JADE1: variants seen among roughly 807,000 people sequenced by gnomAD.
JADE1 encodes the protein jade family PHD finger 1.
JADE1 carries 14 observed loss-of-function variants against 81.8 expected under a neutral mutation model. The observed-to-expected ratio is 0.17, with a 90% CI of 0.11 to 0.27. The LOEUF (loss-of-function observed/expected upper bound fraction) is 0.27. Among genes scored for constraint, JADE1 ranks in the 10% least tolerant of loss-of-function variants. The pLI, the probability that JADE1 is intolerant of heterozygous loss-of-function variation, is 1.00. For synonymous variants in JADE1, 353 were observed against 391.9 expected, an observed-to-expected ratio of 0.90 and a Z score of 1.17; for missense variants, 690 against 1,047.9, an observed-to-expected ratio of 0.66 and a Z score of 4.71.
intron 6 of JADE1, among the ~76,000 whole-genome samples, chr4:128,854,461 T>G (rs1182460423): frequency 6.6e-6 from 1 of 152,252 alleles, no homozygotes; most frequent in Non-Finnish European, 1.5e-5. Flanking sequence ...ACCTTTATAG[T>G]GTCACTTAAC....
At chr4:128,843,556 A>G (rs1026786886) in intron 3 of JADE1, among the ~76,000 whole-genome samples, 4 of 152,190 alleles carry the variant, frequency 2.6e-5, no homozygotes, top group African/African-American at 9.6e-5. Flanking sequence ...TCTGCTCCCT[A>G]ACTTTTGTTA....
chr4:128,811,954 C>A (rs1726450014), intron 1 of JADE1: 1 of 151,760 alleles, frequency 6.6e-6, no homozygotes, highest in Admixed American at 6.5e-5. Context: ...TTCTCGCCGG[C>A]GCGCCCGCCC....
At chr4:128,855,881 T>C (rs1384837803) in intron 7 of JADE1, 84 bp downstream of exon 7, 2 of 1,241,470 alleles carry the variant, frequency 1.6e-6, no homozygotes, top group Non-Finnish European at 2.2e-6. Flanking sequence ...TGCAGTGAGC[T>C]GGATCATGGC....
intron 2 of JADE1, among the ~76,000 whole-genome samples, chr4:128,838,257 C>T (rs1001904076): frequency 6.6e-6 from 1 of 152,110 alleles, no homozygotes; most frequent in Non-Finnish European, 1.5e-5. Flanking sequence ...CTCAGTCTTT[C>T]CCATGTTTAA....
Position 128,872,180 on chromosome 4 carries a change from C to T in JADE1, c.2447C>T (p.Ala816Val). ...DVEMSDSESEASEKKCIHTSS... is the reference protein window; with the variant it reads ...DVEMSDSESEVSEKKCIHTSS... The stretch of plus-strand genomic sequence containing the variant: ...GAAATGAGTGACTCAGAGAGTGAGG[C>T]ATCAGAAAAGAAATGTATACACACC... The change falls in exon 11 of 11, where the codon GCA becomes GTA. Residue 816 changes from alanine to valine, a missense_variant. Ala to Val is a moderately conservative substitution (Grantham distance 64). Coordinates refer to ENST00000226319, the MANE Select transcript of JADE1 (RefSeq NM_199320.4). 1 of 1,614,080 alleles carries T rather than the reference C, an allele frequency of 6.2e-7. No homozygotes were observed. Among genetic ancestry groups the T allele is most frequent in the African/African-American group, 1.3e-5 (1 of 75,036 alleles).
At chr4:128,860,831 A>G (rs2125887893) in intron 8 of JADE1, among the ~76,000 whole-genome samples, 1 of 152,256 alleles carries the variant, frequency 6.6e-6, no homozygotes, top group Admixed American at 6.5e-5. Flanking sequence ...CATGGGAAGG[A>G]TCTTTCACGG....
intron 6 of JADE1, among the ~76,000 whole-genome samples, chr4:128,854,307 C>T (rs1208115751): frequency 6.6e-6 from 1 of 152,006 alleles, no homozygotes; most frequent in African/African-American, 2.4e-5. Context: ...CTTCATTTTT[C>T]CTTTGAGAAA....
chr4:128,832,515 A>G (rs1285277943), intron 2 of JADE1, among the ~76,000 whole-genome samples: 1 of 152,234 alleles, frequency 6.6e-6, no homozygotes, highest in Non-Finnish European at 1.5e-5. Flanking sequence ...GTTTTACATT[A>G]CAAATTAAAC....
At chr4:128,868,151 A>C (rs774911324) in intron 10 of JADE1, among the ~76,000 whole-genome samples, 178 bp downstream of exon 10, 6 of 152,208 alleles carry the variant, frequency 3.9e-5, no homozygotes, top group Non-Finnish European at 7.3e-5. Context: ...AAAGCTATGA[A>C]TTTGCCCTCT....
At chr4:128,854,508 C>T (rs920603220) in intron 6 of JADE1, among the ~76,000 whole-genome samples, 7 of 152,128 alleles carry the variant, frequency 4.6e-5, no homozygotes, top group African/African-American at 9.7e-5. Context: ...TCTGCGTTGA[C>T]GGTAGCTTAT....
At chr4:128,852,014 T>G (rs1206002614) in intron 5 of JADE1, 43 bp from the exon 6 acceptor site, 9 of 1,214,826 alleles carry the variant, frequency 7.4e-6, no homozygotes, top group Non-Finnish European at 1.1e-5. Context: ...TATTTATTAA[T>G]ATGGATTTAT....
chr4:128,818,329 C>T (rs916912827), intron 1 of JADE1, among the ~76,000 whole-genome samples: 1 of 152,108 alleles, frequency 6.6e-6, no homozygotes, highest in African/African-American at 2.4e-5. Context: ...CCATGTTGGC[C>T]AGGCTGGTCT....
intron 3 of JADE1, among the ~76,000 whole-genome samples, chr4:128,843,928 A>T (rs1729658261): frequency 6.6e-6 from 1 of 152,164 alleles, no homozygotes; most frequent in African/African-American, 2.4e-5. Flanking sequence ...TTCCTCCATG[A>T]GGAAGTAGTT....
chr4:128,864,622 A>G (rs1731648989), intron 9 of JADE1: 2 of 984,630 alleles, frequency 2.0e-6, no homozygotes, highest in Admixed American at 6.1e-5. Flanking sequence ...AAAACCAATC[A>G]TTACTACCAA....
rs751539865 is a variant in JADE1, at chr4:128,871,605, G to A, written c.1872G>A (p.Met624Ile). The A allele has an allele frequency of 2.5e-6, 4 of 1,614,174 alleles. No homozygotes were observed. The highest frequency in any genetic ancestry group is 2.5e-6 in the Non-Finnish European group (3 of 1,180,024). ...QPDLCGRREG[M>I]VVPESFLGLE... Reference sequence around the variant, plus strand: ...ACCTGTGTGGTAGAAGGGAGGGGATGGTGGTCCCAGAGAGCTTTTTGGGTT... The same window carrying A: ...ACCTGTGTGGTAGAAGGGAGGGGATAGTGGTCCCAGAGAGCTTTTTGGGTT... The change falls in exon 11 of 11, where the codon ATG becomes ATA. Residue 624 changes from methionine (M) to isoleucine (I), a missense_variant. Met to Ile is a conservative substitution (Grantham distance 10). Coordinates refer to ENST00000226319, the MANE Select transcript of JADE1 (RefSeq NM_199320.4). This position sits in a 1 kb window ranked among gnomAD's most constrained non-coding sequence, Gnocchi z 4.1.
At chr4:128,859,449 G>A (rs537074434) in intron 8 of JADE1, among the ~76,000 whole-genome samples, 16 of 152,212 alleles carry the variant, frequency 1.1e-4, no homozygotes, top group South Asian at 6.2e-4. Flanking sequence ...GTGTGTATGC[G>A]CGTGAGTGCG....
intron 1 of JADE1, among the ~76,000 whole-genome samples, chr4:128,829,344 C>G (rs977601962): frequency 6.6e-6 from 1 of 152,140 alleles, no homozygotes; most frequent in African/African-American, 2.4e-5. Flanking sequence ...TAATATAGCT[C>G]ATGACCCATA....
chr4:128,833,295 C>G (rs1728701009), intron 2 of JADE1, among the ~76,000 whole-genome samples: 1 of 152,178 alleles, frequency 6.6e-6, no homozygotes, highest in African/African-American at 2.4e-5. Flanking sequence ...GCAAAAACAT[C>G]ATTGGGAATT....
At chr4:128,860,548 G>C (rs1038162497) in intron 8 of JADE1, among the ~76,000 whole-genome samples, 2 of 152,172 alleles carry the variant, frequency 1.3e-5, no homozygotes, top group Admixed American at 6.5e-5. Flanking sequence ...ACAGCTCTGT[G>C]CAGCCCCTGG....
Sources: gnomAD v4.1 joint callset for allele counts (sites outside exome capture counted in the v4.1 genomes callset) on GRCh38, gnomAD v4.1.1 for gene constraint, Gnocchi (gnomAD v3.1) non-coding constraint, MANE v1.5 for transcripts, NCBI Gene and HGNC (gene_info 2026-07-23, HGNC 2026-07-21) for gene names.